The following MALRD1 variants were observed in gnomAD, a reference collection of about 807,000 sequenced individuals.
MALRD1 encodes the protein MAM and LDL receptor class A domain containing 1.
In MALRD1, 247 loss-of-function variants were observed where a neutral mutation model predicts 242.1. The ratio of observed to expected loss-of-function variants is 1.02; its 90% CI spans 0.92 to 1.13. The LOEUF (loss-of-function observed/expected upper bound fraction) is 1.13. Among genes scored for constraint, MALRD1 ranks in the 50% most tolerant of loss-of-function variants. The probability of loss-of-function intolerance (pLI) is 0.00; values close to 1 mark genes in which losing one functional copy is unlikely to be tolerated. For missense variants in MALRD1, 2,989 were observed against 2,533.1 expected, an observed-to-expected ratio of 1.18 and a Z score of -3.86; for synonymous variants, 995 against 866.6, an observed-to-expected ratio of 1.15 and a Z score of -2.60.
intron 29 of MALRD1, among the ~76,000 whole-genome samples, chr10:19,460,243 T>C (rs1835872872): frequency 6.6e-6 from 1 of 152,144 alleles, no homozygotes; most frequent in South Asian, 2.1e-4. Flanking sequence ...TATATACTAG[T>C]ATATAAGATG....
intron 29 of MALRD1, among the ~76,000 whole-genome samples, chr10:19,487,362 TG>T (rs1837280434): frequency 3.9e-5 from 2 of 50,990 alleles, no homozygotes; most frequent in Non-Finnish European, 6.5e-5. Context: ...GTTTTTTATT[TG>T]TTTATTTTTC....
chr10:19,050,199 T>A (rs1480670527), intron 1 of MALRD1, among the ~76,000 whole-genome samples: 1 of 146,866 alleles, frequency 6.8e-6, no homozygotes, highest in African/African-American at 2.5e-5. Context: ...GCCATTCTCC[T>A]GCCTCAGCCT....
chr10:19,067,619 G>A (rs565692338), intron 2 of MALRD1, among the ~76,000 whole-genome samples: 94 of 152,192 alleles, frequency 6.2e-4, no homozygotes, highest in African/African-American at 1.9e-3. Context: ...GTTTGGCAGT[G>A]TTTTCATAAA....
intron 38 of MALRD1, among the ~76,000 whole-genome samples, chr10:19,704,286 A>C (rs1023342670): frequency 6.6e-6 from 1 of 152,304 alleles, no homozygotes; most frequent in East Asian, 1.9e-4. Flanking sequence ...ACAAGCATTT[A>C]AGTCTCACAG....
intron 21 of MALRD1, among the ~76,000 whole-genome samples, chr10:19,316,798 A>C (rs1842724795): frequency 6.6e-6 from 1 of 151,878 alleles, no homozygotes; most frequent in Admixed American, 6.6e-5. Context: ...GGAGCAAGGC[A>C]GAGGTGGGGA....
intron 21 of MALRD1, among the ~76,000 whole-genome samples, chr10:19,314,726 C>T (rs1691085180): frequency 6.6e-6 from 1 of 151,422 alleles, no homozygotes; most frequent in African/African-American, 2.4e-5. Flanking sequence ...TCTATGGCTG[C>T]TTTCTTACTG....
At chr10:19,115,747 A>C (rs1836849714) in intron 5 of MALRD1, among the ~76,000 whole-genome samples, 1 of 152,138 alleles carries the variant, frequency 6.6e-6, no homozygotes, top group Non-Finnish European at 1.5e-5. Context: ...GTGGTGGCAC[A>C]TACCTGTAAT....
At chr10:19,250,181 A>T (rs1839238054) in intron 18 of MALRD1, among the ~76,000 whole-genome samples, 1 of 152,034 alleles carries the variant, frequency 6.6e-6, no homozygotes, top group African/African-American at 2.4e-5. Context: ...TTGATCGGAC[A>T]GTAGTGCATT....
chr10:19,431,237 T>C (rs982211991), intron 28 of MALRD1, among the ~76,000 whole-genome samples: 32 of 152,230 alleles, frequency 2.1e-4, no homozygotes, highest in Non-Finnish European at 3.4e-4. Context: ...GACTTCTCTC[T>C]TCTGTTATAG....
chr10:19,525,071 AT>A (rs375129603), intron 31 of MALRD1, among the ~76,000 whole-genome samples: 14,813 of 140,778 alleles, frequency 0.11, 712 homozygotes, highest in East Asian at 0.15. Flanking sequence ...TGCCCAGCTA[AT>A]TTTTTTTTTT....
At chr10:19,442,179 A>AT (rs1411766170) in intron 28 of MALRD1, among the ~76,000 whole-genome samples, 6 of 152,142 alleles carry the variant, frequency 3.9e-5, no homozygotes, top group Admixed American at 1.3e-4. Context: ...TTGCACATTG[A>AT]TTTTGTACCC....
At chr10:19,313,432 A>T (rs972626598) in intron 21 of MALRD1, among the ~76,000 whole-genome samples, 2 of 151,428 alleles carry the variant, frequency 1.3e-5, no homozygotes, top group African/African-American at 4.8e-5. Context: ...TTTGGCCTAA[A>T]ATCTAATTTA....
At position 19,566,374 on chromosome 10, in the gene MALRD1, C is replaced by G. The variant is rs372364814; in HGVS notation, c.5479-1128C>G. Among the ~76,000 whole-genome samples the G allele has an allele frequency of 2.1e-5, 3 of 144,962 alleles. No homozygotes were observed. In the East Asian group the frequency reaches 6.2e-4, roughly 30 times the overall value. ...CAGGATGGTCTCAATCTCCTGACCT[C>G]GTGATCTGCCCGCCTTGGCCTCCCA... On this transcript the variant is annotated intron_variant, in intron 32 of 39. Coordinates refer to ENST00000454679, the MANE Select transcript of MALRD1 (RefSeq NM_001142308.3).
intron 21 of MALRD1, among the ~76,000 whole-genome samples, chr10:19,289,329 G>C (rs1841294449): frequency 6.6e-6 from 1 of 152,118 alleles, no homozygotes; most frequent in Non-Finnish European, 1.5e-5. Context: ...GGAATCCCAG[G>C]AGCTGTGATT....
intron 2 of MALRD1, among the ~76,000 whole-genome samples, chr10:19,079,770 G>C (rs943831074): frequency 2.0e-5 from 3 of 151,788 alleles, no homozygotes; most frequent in Admixed American, 6.6e-5. Context: ...TTCTGTCCAG[G>C]GTAATCAGGC....
chr10:19,268,513 T>C (rs185509390), intron 19 of MALRD1, among the ~76,000 whole-genome samples: 18 of 152,288 alleles, frequency 1.2e-4, no homozygotes, highest in African/African-American at 4.1e-4. Flanking sequence ...CTAAAGAGAC[T>C]GTTTAAGCTT....
chr10:19,108,387 CTTTTT>C (rs35948766), intron 5 of MALRD1, among the ~76,000 whole-genome samples: 14 of 19,764 alleles, frequency 7.1e-4, no homozygotes, highest in African/African-American at 3.2e-3. Flanking sequence ...ATTGTTTTTT[CTTTTT>C]TTTTTTTTTT....
At chr10:19,233,379 G>C (rs10763890) in intron 18 of MALRD1, among the ~76,000 whole-genome samples, 33,054 of 151,998 alleles carry the variant, frequency 0.22, 3,756 homozygotes, top group Admixed American at 0.34. Context: ...GCGAGTGCCT[G>C]TCATCCCAGC....
intron 14 of MALRD1, among the ~76,000 whole-genome samples, chr10:19,185,902 A>G (rs1835719470): frequency 6.6e-6 from 1 of 151,720 alleles, no homozygotes; most frequent in African/African-American, 2.4e-5. Flanking sequence ...GTTTCTGAGT[A>G]GGCCTTTTTG....
Sources: gnomAD v4.1 joint callset for allele counts (sites outside exome capture counted in the v4.1 genomes callset) on GRCh38, gnomAD v4.1.1 for gene constraint, MANE v1.5 for transcripts, NCBI Gene and HGNC (gene_info 2026-07-23, HGNC 2026-07-21) for gene names.